The following DPYSL5 variants were observed in gnomAD, a reference collection of about 807,000 sequenced individuals.
DPYSL5 encodes the protein dihydropyrimidinase like 5, also known as dihydropyrimidinase-related protein 5.
Under a neutral mutation model 58.4 loss-of-function variants are expected in DPYSL5, and 9 were observed. That is an observed-to-expected ratio of 0.15 (90% confidence interval 0.09 to 0.27). The LOEUF (loss-of-function observed/expected upper bound fraction) is 0.27, where lower values mean the gene tolerates loss of function less well. DPYSL5 is among the 10% of genes least tolerant of loss of function. DPYSL5 has a pLI of 1.00. For missense variants in DPYSL5, 499 were observed against 770.6 expected, an observed-to-expected ratio of 0.65 and a Z score of 4.17; for synonymous variants, 293 against 301.9, an observed-to-expected ratio of 0.97 and a Z score of 0.31.
At position 26,924,144 on chromosome 2, in the gene DPYSL5, G is replaced by T. The variant is rs948318310; in HGVS notation, c.262-743G>T. Among the ~76,000 whole-genome samples the T allele has an allele frequency of 6.6e-6, 1 of 152,170 alleles. No individual in the cohort carries two copies. Among genetic ancestry groups the T allele is most frequent in the Non-Finnish European group, 1.5e-5 (1 of 68,034 alleles). ...TTTCCTGGGGGTTCACTCTATGATT[G>T]CGAGTGAGGCTTTTTAACAATTTCT... On this transcript the variant is annotated intron_variant, in intron 2 of 12. Coordinates refer to ENST00000288699, the MANE Select transcript of DPYSL5 (RefSeq NM_020134.4). This position sits in a 1 kb window ranked among gnomAD's most constrained non-coding sequence, Gnocchi z 4.7.
At chr2:26,914,835 G>A (rs1250711749) in intron 2 of DPYSL5, among the ~76,000 whole-genome samples, 1 of 152,072 alleles carries the variant, frequency 6.6e-6, no homozygotes, top group Admixed American at 6.5e-5. Context: ...CCCAGGGAGG[G>A]CCTGCATCTT....
At chr2:26,878,312 A>G (rs1663464224) in intron 1 of DPYSL5, among the ~76,000 whole-genome samples, 1 of 152,022 alleles carries the variant, frequency 6.6e-6, no homozygotes, top group Non-Finnish European at 1.5e-5. Flanking sequence ...TGGGTTACCT[A>G]TTCTTATCCT....
At position 26,848,210 on chromosome 2, in the gene DPYSL5, G is replaced by A. The variant is rs1254676677; in HGVS notation, c.-49G>A. 5 of 151,958 alleles carry A rather than the reference G, an allele frequency of 3.3e-5. No individual in the cohort carries two copies. Among genetic ancestry groups the A allele is most frequent in the Non-Finnish European group, 7.3e-5 (5 of 68,030 alleles). 9.4% of individuals were successfully genotyped at this position (151,958 alleles called of 1,614,324 possible). A position where few individuals can be genotyped will look rare whatever the true frequency, so the allele number is the denominator to read the frequency against. ...AGCTCCGGCGCCGCGGCGAGACGGA[G>A]ACGGACCGAGCCACGGGCCCCCGCG... On this transcript the variant is annotated 5_prime_UTR_variant, in exon 1 of 13. Coordinates refer to ENST00000288699, the MANE Select transcript of DPYSL5 (RefSeq NM_020134.4).
Position 26,903,118 on chromosome 2 carries a change from G to A in DPYSL5, c.261+4358G>A, listed in dbSNP as rs568480561. Among the ~76,000 whole-genome samples the A allele has an allele frequency of 2.0e-4, 30 of 150,168 alleles. No homozygotes were observed. The South Asian group carries it at 5.9e-3, about 30-fold the overall frequency. On this transcript the variant is annotated intron_variant, in intron 2 of 12. Transcript: ENST00000288699. ...GAAGTCTCACACTGTCACCCAGGCT[G>A]GAGTGCAATGGCGAGATCTCAGCTC... is the stretch of plus-strand genomic sequence containing the variant.
At chr2:26,909,064 C>G (rs1181830533) in intron 2 of DPYSL5, among the ~76,000 whole-genome samples, 1 of 152,146 alleles carries the variant, frequency 6.6e-6, no homozygotes, top group Non-Finnish European at 1.5e-5. Context: ...GGTTCATTTA[C>G]AGGTAGAAAT....
chr2:26,898,404 C>G lies in DPYSL5; in HGVS notation c.-4-92C>G, dbSNP rs921309747. The G allele has an allele frequency of 6.0e-5, 92 of 1,545,466 alleles. No homozygotes were observed. The Middle Eastern group carries it at 7.0e-4, about 12-fold the overall frequency. ...TCCTCCTCTTCTCTGCTCACTTACC[C>G]TGACCATGGAATTTGGGCTTTGATA... On this transcript the variant is annotated intron_variant, in intron 1 of 12. Transcript: ENST00000288699. This position sits in a 1 kb window ranked among gnomAD's most constrained non-coding sequence, Gnocchi z 6.1.
chr2:26,893,987 G>C, intron 1 of DPYSL5, among the ~76,000 whole-genome samples: 1 of 151,090 alleles, frequency 6.6e-6, no homozygotes, highest in South Asian at 2.1e-4. Context: ...AGGGTCAAGA[G>C]AGTTGCATAT....
intron 1 of DPYSL5, among the ~76,000 whole-genome samples, chr2:26,856,877 TA>T (rs1329549549): frequency 2.0e-5 from 3 of 148,288 alleles, no homozygotes; most frequent in African/African-American, 4.9e-5. Context: ...ATCTATCAGT[TA>T]AAAAAATTAT....
intron 1 of DPYSL5, among the ~76,000 whole-genome samples, chr2:26,855,992 A>C (rs915487776): frequency 6.6e-6 from 1 of 152,184 alleles, no homozygotes; most frequent in African/African-American, 2.4e-5. Context: ...AGTTACTTAA[A>C]TTGTTTTAAG....
At position 26,921,446 on chromosome 2, in the gene DPYSL5, A is replaced by T. The variant is rs188783879; in HGVS notation, c.262-3441A>T. Reference sequence around the variant, plus strand: ...ATTCAGCAATCACATGTTCTTAAACATCATCCTTTTGAAAGCCTCGGGAAC... The same window carrying T: ...ATTCAGCAATCACATGTTCTTAAACTTCATCCTTTTGAAAGCCTCGGGAAC... On this transcript the variant is annotated intron_variant, in intron 2 of 12. Transcript: ENST00000288699. Among the ~76,000 whole-genome samples the T allele has an allele frequency of 1.3e-3, 199 of 152,336 alleles. 3 individuals carry two copies. Among genetic ancestry groups the T allele is most frequent in the African/African-American group, 4.6e-3 (193 of 41,574 alleles).
intron 1 of DPYSL5, among the ~76,000 whole-genome samples, chr2:26,884,775 T>C (rs546104036): frequency 6.6e-6 from 1 of 152,330 alleles, no homozygotes; most frequent in Admixed American, 6.5e-5. Flanking sequence ...AACCTCTTAC[T>C]TGATCTTAGC....
In DPYSL5 at chr2:26,898,480, G is replaced by T. The variant is rs1664071476; in HGVS notation, c.-4-16G>T. ...GAGAAGGGACTTTGACCTTGACCAT[G>T]CTCACCTTCTTGTAGGAACATGCTT... On this transcript the variant is annotated splice_polypyrimidine_tract_variant and intron_variant, in intron 1 of 12. Coordinates refer to ENST00000288699, the MANE Select transcript of DPYSL5 (RefSeq NM_020134.4). The surrounding 1 kb of genome is among the most constrained non-coding windows in gnomAD (Gnocchi z 6.1). 3.7e-6 allele frequency: 6 copies of T among 1,611,428 alleles called. No homozygotes were observed. The highest frequency in any genetic ancestry group is 5.1e-6 in the Non-Finnish European group (6 of 1,177,992).
At chr2:26,894,462 G>A (rs2148134111) in intron 1 of DPYSL5, among the ~76,000 whole-genome samples, 1 of 152,292 alleles carries the variant, frequency 6.6e-6, no homozygotes, top group East Asian at 1.9e-4. Flanking sequence ...TCTTTGGCAA[G>A]GTGGGCATAA....
Position 26,944,592 on chromosome 2 carries a change from G to T in DPYSL5, c.1441-64G>T. 3.2e-6 allele frequency: 5 copies of T among 1,564,082 alleles called. No homozygotes were observed. The highest frequency in any genetic ancestry group is 4.3e-6 in the Non-Finnish European group (5 of 1,149,918). ...TCCCACCGGCCCCCAGGGAGGCCAT[G>T]GTTGTATCACTCAGCTCTGATGGTG... is the stretch of plus-strand genomic sequence containing the variant. On this transcript the variant is annotated intron_variant, in intron 11 of 12. Coordinates refer to ENST00000288699, the MANE Select transcript of DPYSL5 (RefSeq NM_020134.4). This position sits in a 1 kb window ranked among gnomAD's most constrained non-coding sequence, Gnocchi z 4.4.
chr2:26,893,073 A>T (rs1161461942), intron 1 of DPYSL5, among the ~76,000 whole-genome samples: 2 of 152,062 alleles, frequency 1.3e-5, no homozygotes, highest in Non-Finnish European at 2.9e-5. Flanking sequence ...TTCTCCCCAG[A>T]GGTCAGAATG....
intron 1 of DPYSL5, among the ~76,000 whole-genome samples, chr2:26,878,627 T>A (rs1250029942): frequency 1.3e-5 from 2 of 152,222 alleles, no homozygotes; most frequent in Admixed American, 1.3e-4. Context: ...TTCTCTCCTT[T>A]TCTAATGTAG....
chr2:26,879,666 A>T (rs905641918), intron 1 of DPYSL5, among the ~76,000 whole-genome samples: 1 of 152,148 alleles, frequency 6.6e-6, no homozygotes, highest in South Asian at 2.1e-4. Flanking sequence ...GGACACATGC[A>T]GTCAGTGAGT....
intron 5 of DPYSL5, among the ~76,000 whole-genome samples, chr2:26,931,169 ATGTGTG>A (rs1324624030): frequency 2.2e-5 from 1 of 45,698 alleles, no homozygotes; most frequent in African/African-American, 7.0e-5. Flanking sequence ...ATATATATAT[ATGTGTG>A]TGTGTGTGTG....
At chr2:26,941,899 G>A in intron 9 of DPYSL5, 51 bp from the exon 10 acceptor site, 2 of 1,611,884 alleles carry the variant, frequency 1.2e-6, no homozygotes, top group Non-Finnish European at 1.7e-6. Flanking sequence ...CCAAGGGTTT[G>A]AGACCCACCC....
Sources: gnomAD v4.1 joint callset for allele counts (sites outside exome capture counted in the v4.1 genomes callset) on GRCh38, gnomAD v4.1.1 for gene constraint, Gnocchi (gnomAD v3.1) non-coding constraint, MANE v1.5 for transcripts, NCBI Gene and HGNC (gene_info 2026-07-23, HGNC 2026-07-21) for gene names.